The following SLC45A3 variants were observed in gnomAD, a reference collection of about 807,000 sequenced individuals.
The protein encoded by SLC45A3 is solute carrier family 45 member 3.
Under a neutral mutation model 35.3 loss-of-function variants are expected in SLC45A3, and 17 were observed. The ratio of observed to expected loss-of-function variants is 0.48; its 90% confidence interval spans 0.33 to 0.72. The LOEUF (loss-of-function observed/expected upper bound fraction) is 0.72. SLC45A3 is among the 30% of genes least tolerant of loss of function. The pLI is 0.02. For synonymous variants in SLC45A3, 288 were observed against 334.3 expected (o/e 0.86, Z 1.51); for missense variants, 597 against 731.7 (o/e 0.82, Z 2.12).
At position 205,669,072 on chromosome 1, in the gene SLC45A3, T is replaced by C. The variant is rs2102406750; in HGVS notation, c.-230-4186A>G. On this transcript the variant is annotated intron_variant, in intron 1 of 4. Coordinates refer to ENST00000367145, the MANE Select transcript of SLC45A3 (RefSeq NM_033102.3). The surrounding 1 kb of genome is among the most constrained non-coding windows in gnomAD (Gnocchi z 4.1). ...GGCCGGGAAATGTTTACCTAATGAATGAATGGCTAAGAGCAAGGGGTGGCA... is the reference window on the plus strand; with the variant it reads ...GGCCGGGAAATGTTTACCTAATGAACGAATGGCTAAGAGCAAGGGGTGGCA... Among the ~76,000 whole-genome samples the C allele has an allele frequency of 6.6e-6, 1 of 152,136 alleles. No homozygotes were observed. Among genetic ancestry groups the C allele is most frequent in the Middle Eastern group, 3.4e-3 (1 of 294 alleles).
chr1:205,658,560 A>G lies in SLC45A3; in HGVS notation c.*674T>C, dbSNP rs919790485. 9 of 233,130 alleles carry G rather than the reference A, an allele frequency of 3.9e-5. No individual in the cohort carries two copies. Among genetic ancestry groups the G allele is most frequent in the African/African-American group, 2.0e-4 (9 of 45,422 alleles). The allele number at this position is 233,130 out of a possible 1,614,324, so 14.4% of individuals were successfully genotyped here. A position where few individuals can be genotyped will look rare whatever the true frequency, so the allele number is the denominator to read the frequency against. On this transcript the variant is annotated 3_prime_UTR_variant, in exon 5 of 5. Transcript: ENST00000367145. ...CAATGGATTCCCTTCTACTTTGTTA[A>G]ATAAATAAGTTAAATATTTAAATGC... is the stretch of plus-strand genomic sequence containing the variant.
chr1:205,662,405 G>C lies in SLC45A3; in HGVS notation c.959-279C>G, dbSNP rs970978707. On this transcript the variant is annotated intron_variant, in intron 3 of 4. Coordinates refer to ENST00000367145, the MANE Select transcript of SLC45A3 (RefSeq NM_033102.3). This position sits in a 1 kb window ranked among gnomAD's most constrained non-coding sequence, Gnocchi z 6.2. ...GCTGTGAGGACAGGCGGGTGAGAGGGAACACAAAGACAGCTGGCCATAGGC... is the reference window on the plus strand; with the variant it reads ...GCTGTGAGGACAGGCGGGTGAGAGGCAACACAAAGACAGCTGGCCATAGGC... 7 of 1,361,114 alleles carry C rather than the reference G, an allele frequency of 5.1e-6. No homozygotes were observed. Among genetic ancestry groups the C allele is most frequent in the Non-Finnish European group, 5.7e-6 (6 of 1,059,848 alleles). The allele number at this position is 1,361,114 out of a possible 1,614,324, so 84.3% of individuals were successfully genotyped here. A position where few individuals can be genotyped will look rare whatever the true frequency, so the allele number is the denominator to read the frequency against.
rs775238251 is a variant in SLC45A3 at position 205,659,485 on chromosome 1, G to A, written c.1411C>T (p.Arg471Cys). 1.1e-5 allele frequency: 18 copies of A among 1,613,784 alleles called. No individual in the cohort carries two copies. The highest frequency in any genetic ancestry group is 1.4e-5 in the Non-Finnish European group (17 of 1,179,894). ...TCGGTGGGCTCACCCACCACCACACGTACGGAGACATCACAGGCAGAGGCC... is the reference window on the plus strand; with the variant it reads ...TCGGTGGGCTCACCCACCACCACACATACGGAGACATCACAGGCAGAGGCC... ...CGASACDVSV[R>C]VVVGEPTEAR... is the part of the protein sequence containing the mutation. Residue 471 changes from arginine (R) to cysteine (C), a missense_variant, in exon 5 of 5, where the codon CGT becomes TGT. Coordinates refer to ENST00000367145, the MANE Select transcript of SLC45A3 (RefSeq NM_033102.3). The surrounding 1 kb of genome is among the most constrained non-coding windows in gnomAD (Gnocchi z 5.8).
chr1:205,663,421 G>C lies in SLC45A3; in HGVS notation c.370C>G (p.Leu124Val). ...AGCAGCCCCACGCCCAGGATGAGCA[G>C]TGCCAGCTCCAGGGGCCTGGGATCC... Reference protein sequence around the residue: ...CPDPRPLELALLILGVGLLDF... With the variant: ...CPDPRPLELAVLILGVGLLDF... The change falls in exon 3 of 5, where the codon CTG becomes GTG. Residue 124 changes from leucine (L) to valine (V), a missense_variant. By Grantham distance (32) the Leu-to-Val change is conservative. Coordinates refer to ENST00000367145, the MANE Select transcript of SLC45A3 (RefSeq NM_033102.3). The C allele has an allele frequency of 6.2e-7, 1 of 1,613,066 alleles. No individual in the cohort carries two copies. The highest frequency in any genetic ancestry group is 1.1e-5 in the South Asian group (1 of 91,042).
intron 1 of SLC45A3, among the ~76,000 whole-genome samples, chr1:205,675,716 C>T (rs2102410297): frequency 6.6e-6 from 1 of 152,234 alleles, no homozygotes; most frequent in Non-Finnish European, 1.5e-5. Context: ...GTTTTTGCTT[C>T]CAAGGTGGTC....
At chr1:205,660,003 G>A (rs1002359770) in intron 4 of SLC45A3, among the ~76,000 whole-genome samples, 3 of 152,098 alleles carry the variant, frequency 2.0e-5, no homozygotes, top group African/African-American at 7.2e-5. Context: ...AAAGACACAG[G>A]GGGAATGAAG....
At chr1:205,663,984 T>C (rs1476910891) in intron 2 of SLC45A3, among the ~76,000 whole-genome samples, 1 of 152,080 alleles carries the variant, frequency 6.6e-6, no homozygotes, top group Non-Finnish European at 1.5e-5. Context: ...TCTGTGGCTT[T>C]TGTAGAATTT....
intron 4 of SLC45A3, among the ~76,000 whole-genome samples, chr1:205,661,610 G>C (rs896255285): frequency 2.0e-5 from 3 of 152,178 alleles, no homozygotes; most frequent in African/African-American, 7.2e-5. Flanking sequence ...TCCCACTATC[G>C]TATTTTGCAT....
chr1:205,659,386 C>T lies in SLC45A3; in HGVS notation c.1510G>A (p.Val504Met). 6.2e-7 allele frequency: 1 copy of T among 1,614,192 alleles called. No individual in the cohort carries two copies. Among genetic ancestry groups the T allele is most frequent in the Non-Finnish European group, 8.5e-7 (1 of 1,180,028 alleles). Reference protein sequence around the residue: ...ILDSAFLLSQVAPSLFMGSIV... With the variant: ...ILDSAFLLSQMAPSLFMGSIV... ...GAGCCCATAAACAGGGATGGGGCCA[C>T]CTGGGACAGCAGGAAGGCACTATCC... The change falls in exon 5 of 5, where the codon GTG (valine) becomes ATG (methionine). Residue 504 changes from valine to methionine, a missense_variant. Physicochemically the swap from Val to Met is conservative, Grantham distance 21 (BLOSUM62 1). Around this residue, in one of 3 missense-constraint regions of SLC45A3, gnomAD observed 555 missense variants for 664.9 expected, o/e 0.83. Transcript: ENST00000367145. The surrounding 1 kb of genome is among the most constrained non-coding windows in gnomAD (Gnocchi z 5.8).
intron 4 of SLC45A3, among the ~76,000 whole-genome samples, chr1:205,661,569 T>C (rs1264239402): frequency 6.6e-6 from 1 of 152,158 alleles, no homozygotes; most frequent in Non-Finnish European, 1.5e-5. Flanking sequence ...CCTAGAAGCC[T>C]AGGGCTCCTG....
chr1:205,664,400 C>A lies in SLC45A3; in HGVS notation c.172+85G>T. ...CCAGCAGACCACCTCTCCCTCCAAG[C>A]AGCTCCCAGGGCAGAGGTACTCCTG... On this transcript the variant is annotated intron_variant, in intron 2 of 4. Coordinates refer to ENST00000367145, the MANE Select transcript of SLC45A3 (RefSeq NM_033102.3). This position sits in a 1 kb window ranked among gnomAD's most constrained non-coding sequence, Gnocchi z 5.3. 1.9e-6 allele frequency: 3 copies of A among 1,540,720 alleles called. No homozygotes were observed. The highest frequency in any genetic ancestry group is 4.5e-5 in the East Asian group (2 of 44,226).
At position 205,664,470 on chromosome 1, in the gene SLC45A3, G is replaced by T; in HGVS notation, c.172+15C>A. On this transcript the variant is annotated intron_variant, in intron 2 of 4. Transcript: ENST00000367145. The surrounding 1 kb of genome is among the most constrained non-coding windows in gnomAD (Gnocchi z 5.3). The stretch of plus-strand genomic sequence containing the variant: ...TGTATCTGGAACAGGAAGGAAGGAG[G>T]ATGTAGTGACTCACCCAGCACCATG... 2 of 1,613,572 alleles carry T rather than the reference G, an allele frequency of 1.2e-6. No individual in the cohort carries two copies. Among genetic ancestry groups the T allele is most frequent in the South Asian group, 2.2e-5 (2 of 91,014 alleles).
rs1655114791 is a variant in SLC45A3 at position 205,662,423 on chromosome 1, C to T, written c.959-297G>A. 1 of 1,346,834 alleles carries T rather than the reference C, an allele frequency of 7.4e-7. No homozygotes were observed. The highest frequency in any genetic ancestry group is 1.5e-5 in the African/African-American group (1 of 68,152). The allele number at this position is 1,346,834 out of a possible 1,614,324, so 83.4% of individuals were successfully genotyped here. A position where few individuals can be genotyped will look rare whatever the true frequency, so the allele number is the denominator to read the frequency against. The stretch of plus-strand genomic sequence containing the variant: ...TGAGAGGGAACACAAAGACAGCTGG[C>T]CATAGGCTTCAAGACGCTTCTAGGA... On this transcript the variant is annotated intron_variant, in intron 3 of 4. Transcript: ENST00000367145. The surrounding 1 kb of genome is among the most constrained non-coding windows in gnomAD (Gnocchi z 6.2).
chr1:205,675,396 G>C (rs893920019), intron 1 of SLC45A3, among the ~76,000 whole-genome samples: 37 of 152,310 alleles, frequency 2.4e-4, no homozygotes, highest in South Asian at 2.1e-4. Context: ...AAGAGAATAA[G>C]GGGTAAGAGA....
At chr1:205,668,101 G>A (rs1461537691) in intron 1 of SLC45A3, among the ~76,000 whole-genome samples, 1 of 152,080 alleles carries the variant, frequency 6.6e-6, no homozygotes, top group Non-Finnish European at 1.5e-5. Flanking sequence ...CGGGTCCAGA[G>A]TCCTCTTGAT....
chr1:205,674,512 G>A (rs1329643058), intron 1 of SLC45A3, among the ~76,000 whole-genome samples: 1 of 150,102 alleles, frequency 6.7e-6, no homozygotes, highest in African/African-American at 2.5e-5. Flanking sequence ...GCTTGAACCT[G>A]GGAGGCAGAG....
Position 205,666,520 on chromosome 1 carries a change from T to C in SLC45A3, c.-230-1634A>G, listed in dbSNP as rs139741236. On this transcript the variant is annotated intron_variant, in intron 1 of 4. Transcript: ENST00000367145. The surrounding 1 kb of genome is among the most constrained non-coding windows in gnomAD (Gnocchi z 4.1). ...AGACACTGCCTAAAAAAACATCAGA[T>C]GGCTATCAGTCCTGGGTAAGGTCTG... Among the ~76,000 whole-genome samples, 92 of 152,192 alleles carry C rather than the reference T, an allele frequency of 6.0e-4. 1 individual carries two copies. The highest frequency in any genetic ancestry group is 2.1e-3 in the African/African-American group (89 of 41,520).
rs775721751 is a variant in SLC45A3, at chr1:205,663,413, G to T, written c.378C>A (p.Ile126=). 10 of 1,613,188 alleles carry T rather than the reference G, an allele frequency of 6.2e-6. No individual in the cohort carries two copies. The highest frequency in any genetic ancestry group is 8.5e-6 in the Non-Finnish European group (10 of 1,179,890). ...AGAAGTCCAGCAGCCCCACGCCCAGGATGAGCAGTGCCAGCTCCAGGGGCC... is the reference window on the plus strand; with the variant it reads ...AGAAGTCCAGCAGCCCCACGCCCAGTATGAGCAGTGCCAGCTCCAGGGGCC... ...DPRPLELALL[I]LGVGLLDFCG... Residue 126 remains isoleucine (I), a synonymous_variant, in exon 3 of 5, where the codon ATC becomes ATA. Transcript: ENST00000367145.
At position 205,666,820 on chromosome 1, in the gene SLC45A3, A is replaced by G. The variant is rs871454; in HGVS notation, c.-230-1934T>C. On this transcript the variant is annotated intron_variant, in intron 1 of 4. Coordinates refer to ENST00000367145, the MANE Select transcript of SLC45A3 (RefSeq NM_033102.3). The surrounding 1 kb of genome is among the most constrained non-coding windows in gnomAD (Gnocchi z 4.1). ...CATCTCATTGCTGCATTTCCACAGT[A>G]CCCCCAAGAAGGAAAGCAGGAGACA... Among the ~76,000 whole-genome samples the G allele has an allele frequency of 0.18, 27,444 of 152,102 alleles. 6,218 individuals carry two copies. Among genetic ancestry groups the G allele is most frequent in the African/African-American group, 0.54 (22,288 of 41,466 alleles).
Sources: allele counts gnomAD v4.1 joint callset (sites outside exome capture counted in the v4.1 genomes callset), GRCh38; gene constraint gnomAD v4.1.1; regional missense constraint gnomAD v4.1.1; non-coding constraint Gnocchi (gnomAD v3.1); transcripts MANE v1.5; gene names NCBI Gene and HGNC (gene_info 2026-07-23, HGNC 2026-07-21).